Variants in MPPED1 observed in about 807,000 individuals in gnomAD.
MPPED1 encodes metallophosphoesterase domain-containing protein 1.
Under a neutral mutation model 36.2 loss-of-function variants are expected in MPPED1, and 16 were observed. That is an observed-to-expected ratio of 0.44 (90% confidence interval 0.30 to 0.67). MPPED1 has a LOEUF of 0.67. Ranked by LOEUF, MPPED1 falls within the 30% of genes least tolerant of loss-of-function variation. The pLI, the probability that MPPED1 is intolerant of heterozygous loss-of-function variation, is 0.10. For missense variants in MPPED1, 307 were observed against 453.4 expected (o/e 0.68, Z 2.93); for synonymous variants, 199 against 191.3 (o/e 1.04, Z -0.33).
chr22:43,462,291 A>C (rs181186944), intron 3 of MPPED1, among the ~76,000 whole-genome samples: 11 of 152,332 alleles, frequency 7.2e-5, no homozygotes, highest in African/African-American at 2.6e-4. Context: ...TCAGGCAATG[A>C]ATGTGCACTG....
chr22:43,447,393 A>G (rs1023752685), intron 3 of MPPED1, among the ~76,000 whole-genome samples: 1 of 152,140 alleles, frequency 6.6e-6, no homozygotes, highest in African/African-American at 2.4e-5. Flanking sequence ...ACAAGCCAGA[A>G]AATCCTGGCC....
intron 3 of MPPED1, among the ~76,000 whole-genome samples, chr22:43,467,265 G>A (rs760141119): frequency 6.6e-6 from 1 of 152,246 alleles, no homozygotes; most frequent in Non-Finnish European, 1.5e-5. Flanking sequence ...AGGGTGTCTG[G>A]AAGCATTGAA....
chr22:43,484,221 G>A (rs1032769870), intron 4 of MPPED1, among the ~76,000 whole-genome samples: 4 of 152,206 alleles, frequency 2.6e-5, no homozygotes, highest in African/African-American at 4.8e-5. Context: ...CTCGAGACCC[G>A]CATTCGGCCG....
intron 3 of MPPED1, among the ~76,000 whole-genome samples, chr22:43,438,461 C>T (rs1193091523): frequency 1.3e-5 from 2 of 152,076 alleles, no homozygotes; most frequent in East Asian, 1.9e-4. Flanking sequence ...TCCTGGGCCT[C>T]GGACAAGAGT....
At chr22:43,503,090 G>A (rs73887330) in intron 6 of MPPED1, among the ~76,000 whole-genome samples, 4,321 of 152,252 alleles carry the variant, frequency 0.028, 203 homozygotes, top group African/African-American at 0.099. Flanking sequence ...TGACATGGAG[G>A]ATGCATTATA....
intron 4 of MPPED1, among the ~76,000 whole-genome samples, chr22:43,481,828 CA>C (rs1010034657): frequency 9.2e-5 from 14 of 152,248 alleles, no homozygotes; most frequent in Non-Finnish European, 4.4e-5. Flanking sequence ...CTGCCCTCCC[CA>C]GCAAGGGTTC....
chr22:43,433,394 G>C (rs949575863), intron 2 of MPPED1, among the ~76,000 whole-genome samples: 3 of 152,184 alleles, frequency 2.0e-5, no homozygotes, highest in African/African-American at 7.2e-5. Context: ...GCTGAGCTCA[G>C]GGCTGGCACA....
At chr22:43,466,510 G>T (rs1042741868) in intron 3 of MPPED1, among the ~76,000 whole-genome samples, 11 of 152,172 alleles carry the variant, frequency 7.2e-5, no homozygotes, top group Admixed American at 7.2e-4. Flanking sequence ...AATGAAAATG[G>T]CTAACATCCA....
chr22:43,443,906 AT>A (rs1930238033), intron 3 of MPPED1, among the ~76,000 whole-genome samples: 7 of 152,040 alleles, frequency 4.6e-5, no homozygotes, highest in African/African-American at 1.7e-4. Context: ...GTGTCCAGGG[AT>A]TTTGGTTGCG....
At chr22:43,425,775 G>A (rs1601948012) in intron 2 of MPPED1, among the ~76,000 whole-genome samples, 1 of 152,236 alleles carries the variant, frequency 6.6e-6, no homozygotes, top group Admixed American at 6.5e-5. Context: ...TGCTTCTCTT[G>A]TGAAAGCAGA....
chr22:43,483,312 C>G (rs1000040199), intron 4 of MPPED1, among the ~76,000 whole-genome samples: 4 of 152,226 alleles, frequency 2.6e-5, no homozygotes, highest in Non-Finnish European at 5.9e-5. Flanking sequence ...TGGCCGGCCC[C>G]GAGGCAGCCC....
At chr22:43,424,058 G>T (rs991609305) in intron 1 of MPPED1, among the ~76,000 whole-genome samples, 1 of 152,124 alleles carries the variant, frequency 6.6e-6, no homozygotes, top group East Asian at 1.9e-4. Context: ...AGGTGGGGTC[G>T]GTTGGAGGGA....
At chr22:43,445,557 C>CTTT in intron 3 of MPPED1, among the ~76,000 whole-genome samples, 1 of 117,756 alleles carries the variant, frequency 8.5e-6, no homozygotes. Context: ...TCTGATGTTT[C>CTTT]CTTTTTTTTT....
intron 6 of MPPED1, among the ~76,000 whole-genome samples, chr22:43,504,924 T>C (rs992478280): frequency 1.3e-5 from 2 of 150,980 alleles, no homozygotes; most frequent in Non-Finnish European, 3.0e-5. Flanking sequence ...ATAGTGATGA[T>C]GATGGCATTT....
intron 4 of MPPED1, among the ~76,000 whole-genome samples, chr22:43,483,420 C>A (rs555608390): frequency 6.6e-6 from 1 of 152,222 alleles, no homozygotes. Context: ...GGATTCAAGG[C>A]GGCCGGTGAT....
intron 3 of MPPED1, among the ~76,000 whole-genome samples, chr22:43,466,312 C>A (rs773691184): frequency 3.9e-5 from 6 of 152,044 alleles, no homozygotes; most frequent in Non-Finnish European, 8.8e-5. Flanking sequence ...CCTAGGATGT[C>A]TGTTCTATCT....
chr22:43,429,660 T>C (rs1929605416), intron 2 of MPPED1, among the ~76,000 whole-genome samples: 1 of 152,226 alleles, frequency 6.6e-6, no homozygotes, highest in Admixed American at 6.5e-5. Flanking sequence ...TAGGAGGATT[T>C]CCCAAGCATC....
At chr22:43,421,293 G>T (rs1929265644) in intron 1 of MPPED1, among the ~76,000 whole-genome samples, 1 of 152,258 alleles carries the variant, frequency 6.6e-6, no homozygotes, top group Non-Finnish European at 1.5e-5. Flanking sequence ...GGCATTAAAA[G>T]AAGCCGTTGC....
At chr22:43,438,688 T>A (rs1294367687) in intron 3 of MPPED1, among the ~76,000 whole-genome samples, 1 of 152,050 alleles carries the variant, frequency 6.6e-6, no homozygotes, top group East Asian at 1.9e-4. Flanking sequence ...TGTGTCTGAT[T>A]TTCTATAGGG....
Sources: gnomAD v4.1 joint callset for allele counts (sites outside exome capture counted in the v4.1 genomes callset) on GRCh38, gnomAD v4.1.1 for gene constraint, MANE v1.5 for transcripts, NCBI Gene and HGNC (gene_info 2026-07-23, HGNC 2026-07-21) for gene names.